Variants in ASAP1 observed in about 807,000 individuals in gnomAD.
The protein encoded by ASAP1 is arf-GAP with SH3 domain, ANK repeat and PH domain-containing protein 1.
Under a neutral mutation model 145.2 loss-of-function variants are expected in ASAP1, and 43 were observed. The ratio of observed to expected loss-of-function variants is 0.30; its 90% confidence interval spans 0.23 to 0.38. The LOEUF is 0.38. ASAP1 is among the 10% of genes least tolerant of loss of function. The pLI is 1.00. For synonymous variants in ASAP1, 546 were observed against 515.5 expected, an observed-to-expected ratio of 1.06 and a Z score of -0.80; for missense variants, 1,018 against 1,355.3, an observed-to-expected ratio of 0.75 and a Z score of 3.91.
chr8:130,141,697 C>T (rs2097611967), intron 13 of ASAP1, among the ~76,000 whole-genome samples: 1 of 152,128 alleles, frequency 6.6e-6, no homozygotes, highest in African/African-American at 2.4e-5. Flanking sequence ...TATGCGCACG[C>T]TACCACACGA....
Position 130,217,096 on chromosome 8 carries a change from T to C in ASAP1, c.260-2395A>G, listed in dbSNP as rs142246160. On this transcript the variant is annotated intron_variant, in intron 4 of 29. Transcript: ENST00000518721. ...TACTCTCAAAGTAAGGCAGGAAATA[T>C]GGCATGCACCATCCAAGGCCATGTG... Among the ~76,000 whole-genome samples the C allele has an allele frequency of 2.5e-3, 376 of 152,344 alleles. 2 individuals are homozygous for C. Among genetic ancestry groups the C allele is most frequent in the African/African-American group, 8.9e-3 (370 of 41,570 alleles).
intron 5 of ASAP1, among the ~76,000 whole-genome samples, chr8:130,195,763 T>C (rs569735166): frequency 5.9e-5 from 9 of 152,232 alleles, no homozygotes; most frequent in East Asian, 1.9e-4. Flanking sequence ...TGGACAAAAA[T>C]AGCCGTTTAT....
chr8:130,442,045 A>G (rs1345329022), intron 1 of ASAP1, among the ~76,000 whole-genome samples: 3 of 152,224 alleles, frequency 2.0e-5, no homozygotes, highest in African/African-American at 7.2e-5. Flanking sequence ...TCCATTTGGT[A>G]GCTGAATCTC....
intron 1 of ASAP1, among the ~76,000 whole-genome samples, chr8:130,433,284 TC>T (rs1316407093): frequency 6.6e-6 from 1 of 152,128 alleles, no homozygotes; most frequent in Non-Finnish European, 1.5e-5. Context: ...TCCTTAGACC[TC>T]CCCAAAAATA....
chr8:130,182,854 A>C (rs1814459342), intron 7 of ASAP1, among the ~76,000 whole-genome samples: 1 of 147,368 alleles, frequency 6.8e-6, no homozygotes, highest in Non-Finnish European at 1.5e-5. Context: ...AAAAAAACCC[A>C]ACTGAGCAAA....
At chr8:130,160,330 C>A (rs1160388031) in intron 11 of ASAP1, among the ~76,000 whole-genome samples, 1 of 152,158 alleles carries the variant, frequency 6.6e-6, no homozygotes, top group South Asian at 2.1e-4. Context: ...ATGAAGTGGA[C>A]CAGAAAATAA....
chr8:130,147,571 AAAGCTTT>A (rs2097635062), intron 13 of ASAP1, among the ~76,000 whole-genome samples: 1 of 152,252 alleles, frequency 6.6e-6, no homozygotes, highest in South Asian at 2.1e-4. Context: ...CAGGCTCTGC[AAAGCTTT>A]AAATGCATCA....
rs560387178 is a variant in ASAP1 at position 130,307,833 on chromosome 8, T to C, written c.186+50184A>G. On this transcript the variant is annotated intron_variant, in intron 3 of 29. Transcript: ENST00000518721. ...GATGGCGGAGCTTGAAATCAGGAAT[T>C]TCTGGCTCCAAATTTCTTACTCCTT... Among the ~76,000 whole-genome samples the C allele has an allele frequency of 5.3e-5, 8 of 152,314 alleles. No homozygotes were observed. In the East Asian group the frequency reaches 1.5e-3, roughly 29 times the overall value.
At chr8:130,251,342 T>TG (rs1819185643) in intron 3 of ASAP1, among the ~76,000 whole-genome samples, 1 of 152,022 alleles carries the variant, frequency 6.6e-6, no homozygotes, top group Non-Finnish European at 1.5e-5. Context: ...TGCTTGAACC[T>TG]GGGGGGAGGA....
Position 130,118,174 on chromosome 8 carries a change from G to C in ASAP1, c.1867C>G (p.Leu623Val), listed in dbSNP as rs752125848. The C allele has an allele frequency of 6.2e-7, 1 of 1,613,612 alleles. No homozygotes were observed. The highest frequency in any genetic ancestry group is 1.1e-5 in the South Asian group (1 of 91,046). Residue 623 changes from leucine (L) to valine (V), a missense_variant, in exon 20 of 30, where the codon CTT becomes GTT. Physicochemically the swap from Leu to Val is conservative, Grantham distance 32. Coordinates refer to ENST00000518721, the MANE Select transcript of ASAP1 (RefSeq NM_018482.4). ...CAAAAACGATACCAGTTTTGTACAA[G>C]GAAGTCAACCAAATGGAGAGATGTC... ...DQTSLHLVDF[L>V]VQNCGNLDKQ...
chr8:130,389,793 C>A (rs1396037704), intron 2 of ASAP1, among the ~76,000 whole-genome samples: 1 of 152,140 alleles, frequency 6.6e-6, no homozygotes. Context: ...CTCAACTTTC[C>A]AGGCTCAAGC....
chr8:130,081,674 C>T (rs2097480842), intron 25 of ASAP1, among the ~76,000 whole-genome samples: 1 of 152,136 alleles, frequency 6.6e-6, no homozygotes, highest in African/African-American at 2.4e-5. Context: ...TTCATCCAGC[C>T]TTCCTTCCTC....
chr8:130,294,838 A>C (rs1189785689), intron 3 of ASAP1, among the ~76,000 whole-genome samples: 1 of 152,260 alleles, frequency 6.6e-6, no homozygotes, highest in Non-Finnish European at 1.5e-5. Context: ...ACTTGGAAGA[A>C]AACAGAAGCC....
chr8:130,074,440 A>AC (rs2097457229), intron 27 of ASAP1, among the ~76,000 whole-genome samples: 1 of 119,236 alleles, frequency 8.4e-6, no homozygotes, highest in African/African-American at 3.0e-5. Flanking sequence ...CCAAATAGTA[A>AC]ACACACACAC....
chr8:130,269,080 G>A (rs1475679257), intron 3 of ASAP1, among the ~76,000 whole-genome samples: 1 of 152,102 alleles, frequency 6.6e-6, no homozygotes, highest in Non-Finnish European at 1.5e-5. Flanking sequence ...ATACATTTCT[G>A]TTTTAGACTT....
intron 28 of ASAP1, 121 bp downstream of exon 28, chr8:130,060,458 C>T: frequency 7.6e-7 from 1 of 1,322,034 alleles, no homozygotes; most frequent in African/African-American, 1.5e-5. Context: ...TGAACCAGAG[C>T]ACATAAGGGT....
Position 130,060,787 on chromosome 8 carries a change from A to G in ASAP1, c.2984T>C (p.Leu995Pro). Residue 995 changes from leucine to proline, a missense_variant, in exon 28 of 30, where the codon CTG becomes CCG. Leu to Pro is a moderately conservative substitution (Grantham distance 98, BLOSUM62 -3). Transcript: ENST00000518721. ...CTGGGATTTTGCTAGCAGGTCTCCCAGCTGTGGTTTGGGGGGCAGGTCCTT... is the reference window on the plus strand; with the variant it reads ...CTGGGATTTTGCTAGCAGGTCTCCCGGCTGTGGTTTGGGGGGCAGGTCCTT... Reference protein sequence around the residue: ...QMKDLPPKPQLGDLLAKSQTG... With the variant: ...QMKDLPPKPQPGDLLAKSQTG... The G allele has an allele frequency of 6.2e-7, 1 of 1,614,072 alleles. No individual in the cohort carries two copies. The highest frequency in any genetic ancestry group is 8.5e-7 in the Non-Finnish European group (1 of 1,180,018).
intron 3 of ASAP1, among the ~76,000 whole-genome samples, chr8:130,277,300 G>C (rs1222408730): frequency 6.6e-6 from 1 of 152,134 alleles, no homozygotes; most frequent in African/African-American, 2.4e-5. Context: ...CAGCCACTTG[G>C]TAACGAGGAC....
intron 2 of ASAP1, among the ~76,000 whole-genome samples, chr8:130,397,302 G>A (rs1033886959): frequency 6.6e-6 from 1 of 152,046 alleles, no homozygotes; most frequent in African/African-American, 2.4e-5. Flanking sequence ...CACCATACCT[G>A]GCTAATTTTT....
Sources: allele counts gnomAD v4.1 joint callset (sites outside exome capture counted in the v4.1 genomes callset), GRCh38; gene constraint gnomAD v4.1.1; transcripts MANE v1.5; gene names NCBI Gene and HGNC (gene_info 2026-07-23, HGNC 2026-07-21).